Variants in ADAMTS6 observed in about 807,000 individuals in gnomAD.
ADAMTS6 encodes ADAM metallopeptidase with thrombospondin type 1 motif 6.
In ADAMTS6, 23 loss-of-function variants were observed where a neutral mutation model predicts 144.3. The observed-to-expected ratio is 0.16, with a 90% CI of 0.11 to 0.23. The LOEUF (loss-of-function observed/expected upper bound fraction) is 0.23, where lower values mean the gene tolerates loss of function less well. ADAMTS6 is among the 10% of genes least tolerant of loss of function. The pLI, the probability that ADAMTS6 is intolerant of heterozygous loss-of-function variation, is 1.00. For missense variants in ADAMTS6, 999 were observed against 1,379.6 expected (o/e 0.72, Z 4.37); for synonymous variants, 444 against 457.5 (o/e 0.97, Z 0.38).
intron 7 of ADAMTS6, among the ~76,000 whole-genome samples, chr5:65,403,573 CCT>C (rs951731751): frequency 2.0e-5 from 3 of 152,092 alleles, no homozygotes; most frequent in South Asian, 4.1e-4. Flanking sequence ...TTCATTTATT[CCT>C]CTTTCTCTCA....
chr5:65,152,190 T>G (rs1752176747), intron 24 of ADAMTS6, among the ~76,000 whole-genome samples: 1 of 152,234 alleles, frequency 6.6e-6, no homozygotes, highest in Non-Finnish European at 1.5e-5. Context: ...TTCCAGATTT[T>G]TATAAGTATG....
intron 7 of ADAMTS6, among the ~76,000 whole-genome samples, chr5:65,424,080 T>TA (rs1348168940): frequency 1.3e-5 from 2 of 152,198 alleles, no homozygotes; most frequent in African/African-American, 4.8e-5. Context: ...AATATAAAAC[T>TA]AAAGAGGTCA....
chr5:65,328,653 T>G (rs1746409514), intron 9 of ADAMTS6, among the ~76,000 whole-genome samples: 1 of 151,854 alleles, frequency 6.6e-6, no homozygotes, highest in Admixed American at 6.6e-5. Flanking sequence ...TCAGTCAAAT[T>G]TCAACACAAA....
rs113615835 is a variant in ADAMTS6 at position 65,260,722 on chromosome 5, T to C, written c.1767-59A>G. The C allele has an allele frequency of 1.2e-5, 16 of 1,296,714 alleles. 1 individual carries two copies. The African/African-American group carries it at 1.5e-4, about 12-fold the overall frequency. The allele number at this position is 1,296,714 out of a possible 1,614,324, so 80.3% of individuals were successfully genotyped here. A position where few individuals can be genotyped will look rare whatever the true frequency, so the allele number is the denominator to read the frequency against. ...AATACATCTGTCCATACAAAGAGTA[T>C]ATATATTACTTGATGAAAACATACT... On this transcript the variant is annotated intron_variant, in intron 13 of 24. Coordinates refer to ENST00000381055, the MANE Select transcript of ADAMTS6 (RefSeq NM_197941.4).
intron 10 of ADAMTS6, among the ~76,000 whole-genome samples, chr5:65,297,455 A>C (rs561616130): frequency 6.6e-6 from 1 of 152,312 alleles, no homozygotes; most frequent in African/African-American, 2.4e-5. Context: ...AAGTAGAGAA[A>C]GGTATGCGTT....
At chr5:65,369,230 C>A (rs1750604068) in intron 7 of ADAMTS6, among the ~76,000 whole-genome samples, 1 of 151,950 alleles carries the variant, frequency 6.6e-6, no homozygotes, top group Non-Finnish European at 1.5e-5. Flanking sequence ...ACCCTAATAA[C>A]AAAAAATAAA....
intron 14 of ADAMTS6, chr5:65,251,342 T>C (rs1375850522): frequency 6.6e-6 from 1 of 152,408 alleles, no homozygotes; most frequent in East Asian, 1.9e-4. Flanking sequence ...CATTATGAGT[T>C]CCATAAAATT....
intron 7 of ADAMTS6, among the ~76,000 whole-genome samples, chr5:65,425,990 A>G (rs1019727076): frequency 6.6e-6 from 1 of 150,996 alleles, no homozygotes; most frequent in Non-Finnish European, 1.5e-5. Flanking sequence ...TGACCTCGTG[A>G]TCCGCCCGCC....
intron 24 of ADAMTS6, among the ~76,000 whole-genome samples, chr5:65,164,440 A>G (rs1339867279): frequency 1.4e-5 from 2 of 147,216 alleles, no homozygotes; most frequent in Non-Finnish European, 1.5e-5. Context: ...GCAAGGCGGC[A>G]GCGAGGCTGG....
intron 20 of ADAMTS6, among the ~76,000 whole-genome samples, chr5:65,207,130 C>T (rs1444249777): frequency 6.6e-6 from 1 of 152,166 alleles, no homozygotes; most frequent in Non-Finnish European, 1.5e-5. Context: ...TGTCTCCTTC[C>T]TAACTCCTCA....
intron 22 of ADAMTS6, among the ~76,000 whole-genome samples, chr5:65,176,127 G>C (rs995858253): frequency 2.4e-5 from 2 of 82,732 alleles, no homozygotes; most frequent in Admixed American, 1.9e-4. Flanking sequence ...GGGAAAAAAA[G>C]GGGGGGGCAG....
intron 7 of ADAMTS6, among the ~76,000 whole-genome samples, chr5:65,371,694 T>C (rs1750937625): frequency 6.6e-6 from 1 of 152,138 alleles, no homozygotes; most frequent in Admixed American, 6.5e-5. Flanking sequence ...TGGAAAACAC[T>C]CTGCAGGATA....
At chr5:65,174,103 C>A (rs572068591) in intron 22 of ADAMTS6, among the ~76,000 whole-genome samples, 1 of 152,150 alleles carries the variant, frequency 6.6e-6, no homozygotes, top group African/African-American at 2.4e-5. Flanking sequence ...TGTATATATA[C>A]CTTTCATACG....
intron 15 of ADAMTS6, among the ~76,000 whole-genome samples, chr5:65,233,427 C>G (rs1026007502): frequency 1.3e-5 from 2 of 151,938 alleles, no homozygotes; most frequent in Non-Finnish European, 2.9e-5. Context: ...TATTCTTATA[C>G]ATAGAAAACC....
Position 65,329,425 on chromosome 5 carries a change from G to A in ADAMTS6, c.1176C>T (p.Asp392=). 6.2e-7 allele frequency: 1 copy of A among 1,612,858 alleles called. No homozygotes were observed. Among genetic ancestry groups the A allele is most frequent in the Non-Finnish European group, 8.5e-7 (1 of 1,179,288 alleles). ...TGGTAAAAGCTGAACCCAGGCCAAT[G>A]TCTTCATTAATGCTGCAGCTCCTTT... ...EPERSCSINE[D]IGLGSAFTIA... Residue 392 remains aspartate, a synonymous_variant, in exon 9 of 25, where the codon GAC becomes GAT. Coordinates refer to ENST00000381055, the MANE Select transcript of ADAMTS6 (RefSeq NM_197941.4).
At chr5:65,461,292 A>T (rs1254146376) in intron 3 of ADAMTS6, among the ~76,000 whole-genome samples, 1 of 152,196 alleles carries the variant, frequency 6.6e-6, no homozygotes, top group African/African-American at 2.4e-5. Flanking sequence ...GTGAAGTCTT[A>T]TTTAAAGTTG....
chr5:65,167,155 AAGAG>A (rs1304657458), intron 24 of ADAMTS6, among the ~76,000 whole-genome samples: 3 of 146,614 alleles, frequency 2.0e-5, no homozygotes, highest in African/African-American at 2.5e-5. Flanking sequence ...TAAAGAAAAA[AAGAG>A]AGAAGAATCA....
chr5:65,429,300 T>G (rs1440022199), intron 7 of ADAMTS6, among the ~76,000 whole-genome samples: 1 of 152,182 alleles, frequency 6.6e-6, no homozygotes, highest in Non-Finnish European at 1.5e-5. Context: ...TCCCCTTTTG[T>G]CCAATCACGT....
Position 65,455,059 on chromosome 5 carries a change from T to C in ADAMTS6, c.632-2141A>G, listed in dbSNP as rs140421132. 2.7e-3 allele frequency among the ~76,000 whole-genome samples: 412 copies of C among 152,352 alleles called. 2 individuals carry two copies. The highest frequency in any genetic ancestry group is 9.4e-3 in the African/African-American group (392 of 41,590). On this transcript the variant is annotated intron_variant, in intron 4 of 24. Coordinates refer to ENST00000381055, the MANE Select transcript of ADAMTS6 (RefSeq NM_197941.4). ...TCCTCTGTGATCATAAAACCACTCA[T>C]GTATTCAAGTCATGCCTAGTCTCTT...
Sources: allele counts gnomAD v4.1 joint callset (sites outside exome capture counted in the v4.1 genomes callset), GRCh38; gene constraint gnomAD v4.1.1; transcripts MANE v1.5; gene names NCBI Gene and HGNC (gene_info 2026-07-23, HGNC 2026-07-21).